LRTM3: variants seen among roughly 807,000 people sequenced by gnomAD.
LRTM3 encodes leucine-rich repeat transmembrane protein 3.
At chr13:102,749,747 C>G in the LRTM3 span, 1 of 1,551,220 alleles carries the variant, frequency 6.4e-7, no homozygotes, top group Admixed American at 2.0e-5. Flanking sequence ...TTGGGCTTGA[C>G]TAGTAAATTG....
the LRTM3 span, chr13:102,729,956 G>A: frequency 1.9e-6 from 3 of 1,551,898 alleles, no homozygotes; most frequent in Non-Finnish European, 2.6e-6. Context: ...GGGAGCTGAA[G>A]AGTAACTTGT....
At chr13:102,741,572 G>A in the LRTM3 span, 1 of 1,550,182 alleles carries the variant, frequency 6.5e-7, no homozygotes, top group Non-Finnish European at 8.7e-7. Flanking sequence ...CAAATGAAGA[G>A]GTTCCATAAT....
At chr13:102,737,199 G>A in the LRTM3 span, 1 of 1,550,954 alleles carries the variant, frequency 6.4e-7, no homozygotes. Flanking sequence ...ACTTCTTTCT[G>A]TGGCTTGTAT....
the LRTM3 span, chr13:102,732,173 TGG>T: frequency 1.3e-6 from 2 of 1,551,364 alleles, no homozygotes; most frequent in Non-Finnish European, 1.7e-6. Context: ...TGATTTTTCC[TGG>T]AATTTAGGAA....
the LRTM3 span, chr13:102,739,931 G>A: frequency 3.2e-6 from 5 of 1,550,156 alleles, no homozygotes; most frequent in South Asian, 2.4e-5. Flanking sequence ...ACAGTCACTG[G>A]TATTGAGTAT....
chr13:102,749,433 C>T, the LRTM3 span: 1 of 1,551,320 alleles, frequency 6.4e-7, no homozygotes, highest in East Asian at 2.4e-5. Context: ...ACGAGAAATT[C>T]AGCATTCTTA....
At chr13:102,736,649 C>T in the LRTM3 span, 1 of 1,550,796 alleles carries the variant, frequency 6.4e-7, no homozygotes, top group Admixed American at 2.0e-5. Context: ...TTCCACCTCA[C>T]CTTCTTGTGC....
chr13:102,734,095 C>A, the LRTM3 span: 1 of 1,551,342 alleles, frequency 6.4e-7, no homozygotes, highest in African/African-American at 1.4e-5. Flanking sequence ...CTTTTTTCTC[C>A]AGTTTGTTAA....
the LRTM3 span, chr13:102,731,770 C>T: frequency 6.4e-7 from 1 of 1,550,980 alleles, no homozygotes; most frequent in African/African-American, 1.4e-5. Context: ...AAGCTTTTTG[C>T]TGCTGAACCT....
the LRTM3 span, chr13:102,748,307 T>C: frequency 1.3e-6 from 2 of 1,551,216 alleles, no homozygotes; most frequent in Non-Finnish European, 1.7e-6. Flanking sequence ...TTCCTTCAGA[T>C]TTACACTTTC....
At chr13:102,751,555 A>G in the LRTM3 span, among the ~76,000 whole-genome samples, 1 of 152,172 alleles carries the variant, frequency 6.6e-6, no homozygotes, top group Non-Finnish European at 1.5e-5. Context: ...CTGATACATG[A>G]TAAATTTCGA....
At chr13:102,752,584 T>A in the LRTM3 span, among the ~76,000 whole-genome samples, 1 of 152,232 alleles carries the variant, frequency 6.6e-6, no homozygotes, top group Admixed American at 6.5e-5. Flanking sequence ...TGATTTTGTT[T>A]TTTCATCGAT....
At chr13:102,741,740 C>G in the LRTM3 span, 4 of 1,550,378 alleles carry the variant, frequency 2.6e-6, no homozygotes, top group Non-Finnish European at 3.5e-6. Context: ...CGATCCTTCT[C>G]TCTCCCACGG....
At chr13:102,748,253 C>T in the LRTM3 span, 42 of 1,551,100 alleles carry the variant, frequency 2.7e-5, no homozygotes, top group Non-Finnish European at 3.1e-5. Context: ...CTCACTTTCA[C>T]GTAGGTCACT....
At chr13:102,730,357 G>A in the LRTM3 span, 2 of 1,550,842 alleles carry the variant, frequency 1.3e-6, no homozygotes, top group African/African-American at 1.4e-5. Context: ...ACTCGTCCAA[G>A]TCAGCTGGAC....
At chr13:102,731,881 T>C in the LRTM3 span, 4 of 1,549,124 alleles carry the variant, frequency 2.6e-6, no homozygotes, top group East Asian at 9.8e-5. Flanking sequence ...TCAGAATGCG[T>C]TTTAGAATCT....
chr13:102,745,679 T>G, the LRTM3 span: 1 of 1,551,080 alleles, frequency 6.4e-7, no homozygotes, highest in Non-Finnish European at 8.7e-7. Flanking sequence ...AATCGCTGTC[T>G]CTTTCTTTTC....
the LRTM3 span, chr13:102,734,668 A>C: frequency 1.3e-6 from 2 of 1,551,110 alleles, no homozygotes; most frequent in African/African-American, 1.4e-5. Flanking sequence ...CTCTATGTAC[A>C]GTCTCCCCTA....
At chr13:102,745,568 A>G in the LRTM3 span, 6 of 1,550,974 alleles carry the variant, frequency 3.9e-6, no homozygotes, top group Non-Finnish European at 4.4e-6. Flanking sequence ...CTTTGCCTTT[A>G]TAATTCCACA....
Sources: allele counts gnomAD v4.1 joint callset (sites outside exome capture counted in the v4.1 genomes callset), GRCh38; gene constraint gnomAD v4.1.1; transcripts MANE v1.5; gene names NCBI Gene and HGNC (gene_info 2026-07-23, HGNC 2026-07-21).